The following TCF7L2 variants were observed in gnomAD, a reference collection of about 807,000 sequenced individuals.
The protein encoded by TCF7L2 is transcription factor 7 like 2, also known as transcription factor 7-like 2.
Under a neutral mutation model 77.9 loss-of-function variants are expected in TCF7L2, and 23 were observed. That is an observed-to-expected ratio of 0.30 (90% CI 0.21 to 0.42). The LOEUF (loss-of-function observed/expected upper bound fraction) is 0.42. Among genes scored for constraint, TCF7L2 ranks in the 10% least tolerant of loss-of-function variants. The probability of loss-of-function intolerance (pLI) is 1.00; values close to 1 mark genes in which losing one functional copy is unlikely to be tolerated. For synonymous variants in TCF7L2, 413 were observed against 340.2 expected (o/e 1.21, Z -2.36); for missense variants, 654 against 793.1 (o/e 0.82, Z 2.11).
intron 4 of TCF7L2, among the ~76,000 whole-genome samples, chr10:112,968,767 G>C (rs1020928283): frequency 2.6e-5 from 4 of 152,088 alleles, no homozygotes; most frequent in African/African-American, 7.2e-5. Flanking sequence ...TTTTAGTAGA[G>C]ATGGGGTTTC....
At chr10:113,024,651 C>T (rs986799584) in intron 4 of TCF7L2, among the ~76,000 whole-genome samples, 2 of 133,172 alleles carry the variant, frequency 1.5e-5, no homozygotes, top group African/African-American at 2.8e-5. Flanking sequence ...CAGAGTTTCA[C>T]GCTTGTTCCC....
intron 5 of TCF7L2, among the ~76,000 whole-genome samples, chr10:113,097,146 C>G (rs2061078016): frequency 6.6e-6 from 1 of 152,202 alleles, no homozygotes; most frequent in Non-Finnish European, 1.5e-5. Context: ...GTGCTCATCC[C>G]AGCTCCTGCC....
At position 113,165,947 on chromosome 10, in the gene TCF7L2, C is replaced by T. The variant is rs149556542; in HGVS notation, c.1784C>T (p.Ser595Leu). 2.2e-5 allele frequency: 34 copies of T among 1,537,772 alleles called. No homozygotes were observed. The highest frequency in any genetic ancestry group is 9.9e-5 in the South Asian group (8 of 80,880). The change falls in exon 14 of 14, where the codon TCG becomes TTG. Residue 595 changes from serine to leucine, a missense_variant. By Grantham distance (145) the Ser-to-Leu change is moderately radical. Transcript: ENST00000627217. ...GCCGGGACCCAGCCCCAGCCGCTGTCGCTCGTCACCAAGTCTTTAGAATAG... is the reference window on the plus strand; with the variant it reads ...GCCGGGACCCAGCCCCAGCCGCTGTTGCTCGTCACCAAGTCTTTAGAATAG...
At chr10:113,098,752 A>G (rs976326573) in intron 5 of TCF7L2, among the ~76,000 whole-genome samples, 2 of 152,218 alleles carry the variant, frequency 1.3e-5, no homozygotes, top group South Asian at 2.1e-4. Flanking sequence ...ATATATTATG[A>G]TCATTGACTT....
At chr10:112,966,533 G>A (rs74642462) in intron 4 of TCF7L2, among the ~76,000 whole-genome samples, 9 of 152,160 alleles carry the variant, frequency 5.9e-5, no homozygotes, top group African/African-American at 9.6e-5. Flanking sequence ...GTACCATGTC[G>A]AGGCCTCCTA....
chr10:112,958,524 A>G (rs1218516357), intron 3 of TCF7L2, among the ~76,000 whole-genome samples: 2 of 152,080 alleles, frequency 1.3e-5, no homozygotes, highest in African/African-American at 4.8e-5. Context: ...GACCTCTCCC[A>G]TCCCAACATG....
intron 11 of TCF7L2, among the ~76,000 whole-genome samples, chr10:113,155,974 A>C (rs2071784240): frequency 6.6e-6 from 1 of 152,222 alleles, no homozygotes; most frequent in Non-Finnish European, 1.5e-5. Flanking sequence ...CCCAAGTTGC[A>C]CAGGCCCCTT....
intron 4 of TCF7L2, among the ~76,000 whole-genome samples, chr10:113,037,307 A>G (rs955730006): frequency 6.6e-6 from 1 of 152,146 alleles, no homozygotes; most frequent in Non-Finnish European, 1.5e-5. Flanking sequence ...TGTGGCATCA[A>G]GTTGCACTGG....
At chr10:112,979,171 A>G (rs957422669) in intron 4 of TCF7L2, among the ~76,000 whole-genome samples, 17 of 152,112 alleles carry the variant, frequency 1.1e-4, no homozygotes, top group African/African-American at 2.7e-4. Context: ...TGAAAGGAGA[A>G]CTTAAAAGAC....
At chr10:112,967,819 G>A (rs2037336309) in intron 4 of TCF7L2, among the ~76,000 whole-genome samples, 2 of 152,000 alleles carry the variant, frequency 1.3e-5, no homozygotes. Context: ...ATTTTTAGTG[G>A]AGATGGGGTT....
chr10:113,136,360 G>A (rs938859807), intron 5 of TCF7L2, among the ~76,000 whole-genome samples: 3 of 152,174 alleles, frequency 2.0e-5, no homozygotes, highest in African/African-American at 7.2e-5. Context: ...CTAAGCTGAT[G>A]GTGGTGGTGT....
At chr10:113,137,702 T>TA (rs2067633519) in intron 5 of TCF7L2, among the ~76,000 whole-genome samples, 1 of 152,242 alleles carries the variant, frequency 6.6e-6, no homozygotes, top group Admixed American at 6.5e-5. Context: ...CGCCAACATT[T>TA]ACTTGAAGTT....
intron 4 of TCF7L2, among the ~76,000 whole-genome samples, chr10:113,034,353 AT>A (rs1831356216): frequency 6.6e-6 from 1 of 152,036 alleles, no homozygotes. Flanking sequence ...TTTGTGTTGC[AT>A]ATTTGTAGGG....
In TCF7L2 at chr10:113,165,682, G is replaced by A. The variant is rs138649767; in HGVS notation, c.1519G>A (p.Ala507Thr). Residue 507 changes from alanine to threonine, a missense_variant, in exon 14 of 14, where the codon GCC becomes ACC. Transcript: ENST00000627217. The stretch of plus-strand genomic sequence containing the variant: ...CCTGCTAGGCTCCCCTCCCCGAGAC[G>A]CCAAGTCACAGACTGAGCAGACCCA... 627 of 1,510,280 alleles carry A rather than the reference G, an allele frequency of 4.2e-4. 5 individuals carry two copies. The East Asian group carries it at 0.015, about 36-fold the overall frequency. The allele number at this position is 1,510,280 out of a possible 1,614,324, so 93.6% of individuals were successfully genotyped here.
chr10:113,023,890 C>A (rs1249712353), intron 4 of TCF7L2, among the ~76,000 whole-genome samples: 1 of 151,352 alleles, frequency 6.6e-6, no homozygotes, highest in Non-Finnish European at 1.5e-5. Context: ...GGTCTCTTGA[C>A]CTTGTGATCC....
At chr10:113,157,341 C>T (rs2072149708) in intron 11 of TCF7L2, among the ~76,000 whole-genome samples, 1 of 152,216 alleles carries the variant, frequency 6.6e-6, no homozygotes, top group Non-Finnish European at 1.5e-5. Context: ...TGGTCTTGAA[C>T]TCCTGACTTC....
At position 113,151,936 on chromosome 10, in the gene TCF7L2, G is replaced by C. The variant is rs2137160382; in HGVS notation, c.1161+52G>C. Reference sequence around the variant, plus strand: ...GCGGGGGGCGGGTGGTGAGGGACCAGAGTGCAGCAGGTCAGGTGGCAGAAT... The same window carrying C: ...GCGGGGGGCGGGTGGTGAGGGACCACAGTGCAGCAGGTCAGGTGGCAGAAT... On this transcript the variant is annotated intron_variant, in intron 10 of 13. Coordinates refer to ENST00000627217, the MANE Select transcript of TCF7L2 (RefSeq NM_001146274.2). This position sits in a 1 kb window ranked among gnomAD's most constrained non-coding sequence, Gnocchi z 5.2. 6.4e-7 allele frequency: 1 copy of C among 1,552,384 alleles called. No homozygotes were observed. Among genetic ancestry groups the C allele is most frequent in the Non-Finnish European group, 8.6e-7 (1 of 1,156,424 alleles).
chr10:113,139,603 G>A (rs569078747), intron 5 of TCF7L2, among the ~76,000 whole-genome samples: 3 of 152,186 alleles, frequency 2.0e-5, no homozygotes, highest in Non-Finnish European at 4.4e-5. Flanking sequence ...CAAGAGTCCA[G>A]TTATACATAG....
At chr10:112,965,629 ATGTGTG>A (rs59587175) in intron 4 of TCF7L2, among the ~76,000 whole-genome samples, 48,431 of 136,602 alleles carry the variant, frequency 0.35, 8,196 homozygotes, top group Admixed American at 0.43. Context: ...GTGTGTGTAT[ATGTGTG>A]TGTGTGTGTG....
Sources: gnomAD v4.1 joint callset for allele counts (sites outside exome capture counted in the v4.1 genomes callset) on GRCh38, gnomAD v4.1.1 for gene constraint, Gnocchi (gnomAD v3.1) non-coding constraint, MANE v1.5 for transcripts, NCBI Gene and HGNC (gene_info 2026-07-23, HGNC 2026-07-21) for gene names.